The following PIK3CA variants were observed in gnomAD, a reference collection of about 807,000 sequenced individuals.
PIK3CA encodes phosphatidylinositol-4,5-bisphosphate 3-kinase catalytic subunit alpha, also known as phosphatidylinositol 4,5-bisphosphate 3-kinase catalytic subunit alpha isoform.
In PIK3CA, 27 loss-of-function variants were observed where a neutral mutation model predicts 138.2. The ratio of observed to expected loss-of-function variants is 0.20; its 90% confidence interval spans 0.14 to 0.27. The LOEUF is 0.27. Ranked by LOEUF, PIK3CA falls within the 10% of genes least tolerant of loss-of-function variation. The pLI is 1.00. For missense variants in PIK3CA, 544 were observed against 1,277.4 expected (o/e 0.43, Z 8.75); for synonymous variants, 358 against 413.2 (o/e 0.87, Z 1.62).
At chr3:179,176,270 C>T (rs1182642846) in intron 1 of PIK3CA, among the ~76,000 whole-genome samples, 1 of 152,204 alleles carries the variant, frequency 6.6e-6, no homozygotes, top group Non-Finnish European at 1.5e-5. Flanking sequence ...AGTACACCAA[C>T]TGGAGTTGGA....
At chr3:179,209,316 T>C (rs1724649087) in intron 6 of PIK3CA, among the ~76,000 whole-genome samples, 1 of 152,088 alleles carries the variant, frequency 6.6e-6, no homozygotes, top group Non-Finnish European at 1.5e-5. Flanking sequence ...TGCATAACCT[T>C]ACCACCCCTT....
chr3:179,172,721 CTAAGT>C (rs1451051724), intron 1 of PIK3CA, among the ~76,000 whole-genome samples: 2 of 152,096 alleles, frequency 1.3e-5, no homozygotes, highest in Non-Finnish European at 2.9e-5. Flanking sequence ...TAAAGAAGAA[CTAAGT>C]TAATTGAGAG....
chr3:179,204,696 C>T (rs1724511947), intron 6 of PIK3CA, 108 bp downstream of exon 6: 3 of 562,048 alleles, frequency 5.3e-6, no homozygotes, highest in Non-Finnish European at 9.9e-6. Flanking sequence ...CAAAGCAAGA[C>T]CCCATTTCTA....
At chr3:179,162,515 C>T (rs767815866) in intron 1 of PIK3CA, among the ~76,000 whole-genome samples, 4 of 151,928 alleles carry the variant, frequency 2.6e-5, no homozygotes, top group South Asian at 2.1e-4. Context: ...ATATCATACC[C>T]GGCCTGGTAT....
At chr3:179,155,060 G>GA (rs1443310873) in intron 1 of PIK3CA, among the ~76,000 whole-genome samples, 4 of 152,070 alleles carry the variant, frequency 2.6e-5, no homozygotes, top group South Asian at 2.1e-4. Flanking sequence ...GTGATGTGAA[G>GA]AAAAAAACTG....
In PIK3CA at chr3:179,238,410, T is replaced by C. The variant is rs1372329857; in HGVS notation, c.*4046T>C. 1 of 219,744 alleles carries C rather than the reference T, an allele frequency of 4.6e-6. No individual in the cohort carries two copies. Among genetic ancestry groups the C allele is most frequent in the Non-Finnish European group, 9.1e-6 (1 of 109,488 alleles). 13.6% of individuals were successfully genotyped at this position (219,744 alleles called of 1,614,324 possible). On this transcript the variant is annotated 3_prime_UTR_variant, in exon 21 of 21. Transcript: ENST00000263967. ...CTTTTTTCATAAAAATTATTTTTAC[T>C]GTATGAAAAGATCATGGGGTTTAGC...
At chr3:179,213,234 G>A (rs1028651875) in intron 9 of PIK3CA, among the ~76,000 whole-genome samples, 1 of 152,172 alleles carries the variant, frequency 6.6e-6, no homozygotes, top group African/African-American at 2.4e-5. Flanking sequence ...CTAGACCACT[G>A]TACTAAAGCA....
intron 7 of PIK3CA, 31 bp from the exon 8 acceptor site, chr3:179,210,155 G>C (rs1223107172): frequency 6.7e-7 from 1 of 1,502,732 alleles, no homozygotes; most frequent in Non-Finnish European, 9.0e-7. Context: ...TTATAATTTA[G>C]ACTAGTGAAT....
At chr3:179,168,536 T>C (rs1322238411) in intron 1 of PIK3CA, among the ~76,000 whole-genome samples, 1 of 152,184 alleles carries the variant, frequency 6.6e-6, no homozygotes, top group Non-Finnish European at 1.5e-5. Flanking sequence ...GATGTTTTTC[T>C]TTTATATCTT....
At position 179,234,481 on chromosome 3, in the gene PIK3CA, T is replaced by G; in HGVS notation, c.*117T>G. ...CACAATCCATGAACAGCATTAGAATTTACAGCAAGAACAGAAATAAAATAC... is the reference window on the plus strand; with the variant it reads ...CACAATCCATGAACAGCATTAGAATGTACAGCAAGAACAGAAATAAAATAC... On this transcript the variant is annotated 3_prime_UTR_variant, in exon 21 of 21. Coordinates refer to ENST00000263967, the MANE Select transcript of PIK3CA (RefSeq NM_006218.4). The surrounding 1 kb of genome is among the most constrained non-coding windows in gnomAD (Gnocchi z 5.1). 4 of 739,784 alleles carry G rather than the reference T, an allele frequency of 5.4e-6. No individual in the cohort carries two copies. The highest frequency in any genetic ancestry group is 8.4e-6 in the Non-Finnish European group (4 of 475,224). The allele number at this position is 739,784 out of a possible 1,614,324, so 45.8% of individuals were successfully genotyped here.
intron 9 of PIK3CA, among the ~76,000 whole-genome samples, chr3:179,213,149 C>T (rs887286695): frequency 6.6e-6 from 1 of 152,114 alleles, no homozygotes; most frequent in African/African-American, 2.4e-5. Context: ...TCAGGAAAGA[C>T]CTCTCTGAGA....
At chr3:179,196,835 C>G (rs1724276397) in intron 1 of PIK3CA, among the ~76,000 whole-genome samples, 1 of 152,094 alleles carries the variant, frequency 6.6e-6, no homozygotes, top group African/African-American at 2.4e-5. Context: ...CCATTTAGGC[C>G]TTTGCAGTGG....
chr3:179,178,065 A>G (rs1723743894), intron 1 of PIK3CA, among the ~76,000 whole-genome samples: 2 of 150,034 alleles, frequency 1.3e-5, no homozygotes, highest in Admixed American at 6.6e-5. Flanking sequence ...ATAGTGAAAC[A>G]AGATTCTGTC....
chr3:179,177,670 C>T (rs1198851908), intron 1 of PIK3CA, among the ~76,000 whole-genome samples: 2 of 152,024 alleles, frequency 1.3e-5, no homozygotes, highest in Non-Finnish European at 2.9e-5. Flanking sequence ...AAGAGAAAAA[C>T]CCATTCAGAA....
At chr3:179,168,818 T>C (rs2108360451) in intron 1 of PIK3CA, among the ~76,000 whole-genome samples, 2 of 152,326 alleles carry the variant, frequency 1.3e-5, no homozygotes, top group East Asian at 3.8e-4. Context: ...TTTTCCCAAA[T>C]GTCTAGCCGT....
At chr3:179,180,619 A>T (rs1198113766) in intron 1 of PIK3CA, among the ~76,000 whole-genome samples, 3 of 152,132 alleles carry the variant, frequency 2.0e-5, no homozygotes, top group Non-Finnish European at 4.4e-5. Flanking sequence ...GCAAGAGAGG[A>T]GTTGAAAGCA....
Position 179,184,917 on chromosome 3 carries a change from A to G in PIK3CA, c.-76-13833A>G, listed in dbSNP as rs80112077. Reference sequence around the variant, plus strand: ...GATGCAGGCAAGTTTTAATTTATCTAAATACTAAAGAGTATCACTAGAAGG... The same window carrying G: ...GATGCAGGCAAGTTTTAATTTATCTGAATACTAAAGAGTATCACTAGAAGG... On this transcript the variant is annotated intron_variant, in intron 1 of 20. Coordinates refer to ENST00000263967, the MANE Select transcript of PIK3CA (RefSeq NM_006218.4). 3.6e-3 allele frequency among the ~76,000 whole-genome samples: 550 copies of G among 152,346 alleles called. 3 individuals carry two copies. Among genetic ancestry groups the G allele is most frequent in the Non-Finnish European group, 6.1e-3 (413 of 68,024 alleles).
intron 9 of PIK3CA, among the ~76,000 whole-genome samples, chr3:179,217,670 T>C (rs1241564376): frequency 6.6e-6 from 1 of 152,050 alleles, no homozygotes; most frequent in Non-Finnish European, 1.5e-5. Flanking sequence ...ATATTATTTT[T>C]CGTTTTCTAA....
chr3:179,230,506 ACTCT>A lies in PIK3CA; in HGVS notation c.2936+131_2936+134del. 4.0e-6 allele frequency: 3 copies of A among 743,516 alleles called. No homozygotes were observed. The highest frequency in any genetic ancestry group is 6.4e-6 in the Non-Finnish European group (3 of 465,768). 46.1% of individuals were successfully genotyped at this position (743,516 alleles called of 1,614,324 possible). On this transcript the variant is annotated intron_variant, in intron 20 of 20. Transcript: ENST00000263967. This position sits in a 1 kb window ranked among gnomAD's most constrained non-coding sequence, Gnocchi z 5.4. Reference sequence around the variant, plus strand: ...GTGGTGGTTCATGCCTGTAATCCCAACTCTTTGGGAGGCCGAGGCTGGAGGATCA... The same window carrying A: ...GTGGTGGTTCATGCCTGTAATCCCAATTGGGAGGCCGAGGCTGGAGGATCA...
Sources: allele counts gnomAD v4.1 joint callset (sites outside exome capture counted in the v4.1 genomes callset), GRCh38; gene constraint gnomAD v4.1.1; non-coding constraint Gnocchi (gnomAD v3.1); transcripts MANE v1.5; gene names NCBI Gene and HGNC (gene_info 2026-07-23, HGNC 2026-07-21).